Variants in MAB21L3 observed in about 807,000 individuals in gnomAD.
MAB21L3 encodes the protein mab-21 like 3.
Under a neutral mutation model 37.7 loss-of-function variants are expected in MAB21L3, and 36 were observed. The observed-to-expected ratio is 0.96, with a 90% CI of 0.73 to 1.26. The LOEUF (loss-of-function observed/expected upper bound fraction) is 1.26, where lower values mean the gene tolerates loss of function less well. Among genes scored for constraint, MAB21L3 ranks in the 50% most tolerant of loss-of-function variants. The probability of loss-of-function intolerance (pLI) is 0.00; values close to 1 mark genes in which losing one functional copy is unlikely to be tolerated. For synonymous variants in MAB21L3, 186 were observed against 176.8 expected (o/e 1.05, Z -0.41); for missense variants, 430 against 447.3 (o/e 0.96, Z 0.35).
At chr1:116,125,809 G>T (rs1418209694) in intron 5 of MAB21L3, among the ~76,000 whole-genome samples, 2 of 145,528 alleles carry the variant, frequency 1.4e-5, no homozygotes, top group African/African-American at 5.7e-5. Flanking sequence ...GACTTAGAGA[G>T]ATTAAGTCAC....
chr1:116,116,791 CTGGAATT>C (rs1367920323), intron 3 of MAB21L3, among the ~76,000 whole-genome samples: 2 of 152,128 alleles, frequency 1.3e-5, no homozygotes, highest in African/African-American at 4.8e-5. Flanking sequence ...AAAATTAAAA[CTGGAATT>C]TGTGGTTCTA....
At position 116,128,296 on chromosome 1, in the gene MAB21L3, G is replaced by A. The variant is rs1402259544; in HGVS notation, c.812G>A (p.Trp271Ter). The change falls in exon 7 of 8, where the codon TGG becomes TAG. Residue 271 changes from tryptophan (W) to a stop codon, truncating the protein, a stop_gained. Transcript: ENST00000369500. LOFTEE classifies it high-confidence loss of function. ...ATGAGGCACCTGAAGGAGGACATCTGGTGCCCAGGGAACAGGCCGGTTATC... is the reference window on the plus strand; with the variant it reads ...ATGAGGCACCTGAAGGAGGACATCTAGTGCCCAGGGAACAGGCCGGTTATC... ...QVMRHLKEDIWCPGNRPVITS... is the reference protein window; with the variant it reads ...QVMRHLKEDI The A allele has an allele frequency of 1.2e-6, 2 of 1,613,864 alleles. No homozygotes were observed. The highest frequency in any genetic ancestry group is 1.7e-6 in the Non-Finnish European group (2 of 1,179,970).
chr1:116,120,065 C>T (rs1285124921), intron 3 of MAB21L3, among the ~76,000 whole-genome samples: 4 of 152,050 alleles, frequency 2.6e-5, no homozygotes, highest in Non-Finnish European at 4.4e-5. Flanking sequence ...GGGCAGCAGG[C>T]GTGACAATAC....
rs892406960 is a variant in MAB21L3, at chr1:116,135,187, G to A, written c.*1822G>A. ...CCCTTCAAAAAATTAATAGATCCAG[G>A]AGCTGGTTTTTTGAAAGGATCAACA... On this transcript the variant is annotated 3_prime_UTR_variant, in exon 8 of 8. Transcript: ENST00000369500. The A allele has an allele frequency of 4.0e-5, 6 of 151,878 alleles. No homozygotes were observed. The highest frequency in any genetic ancestry group is 1.5e-4 in the African/African-American group (6 of 41,264). The allele number at this position is 151,878 out of a possible 1,614,324, so 9.4% of individuals were successfully genotyped here.
At position 116,127,451 on chromosome 1, in the gene MAB21L3, G is replaced by A. The variant is rs202025602; in HGVS notation, c.482-15G>A. On this transcript the variant is annotated splice_polypyrimidine_tract_variant and intron_variant, in intron 5 of 7. Transcript: ENST00000369500. ...CCTTTCTCTTCTCCTTATCCATTTG[G>A]TCATTTCCCACCAGGTAAGGTCAGC... 1.6e-4 allele frequency: 255 copies of A among 1,609,614 alleles called. No homozygotes were observed. The highest frequency in any genetic ancestry group is 1.7e-4 in the Middle Eastern group (1 of 6,060).
Position 116,113,626 on chromosome 1 carries a change from G to C in MAB21L3, c.48+963G>C, listed in dbSNP as rs143360199. On this transcript the variant is annotated intron_variant, in intron 3 of 7. Coordinates refer to ENST00000369500, the MANE Select transcript of MAB21L3 (RefSeq NM_152367.3). ...ATAGCAGAAATCCTAAACAGTGTTC[G>C]ACACGTTGAATCCAGTGTGTGCTCA... Among the ~76,000 whole-genome samples the C allele has an allele frequency of 2.0e-3, 305 of 152,230 alleles. 2 individuals are homozygous for C. The highest frequency in any genetic ancestry group is 6.8e-3 in the Middle Eastern group (2 of 294).
At position 116,128,341 on chromosome 1, in the gene MAB21L3, T is replaced by A; in HGVS notation, c.855+2T>A. The stretch of plus-strand genomic sequence containing the variant: ...GTTATCACGTCCCACCATCTGCAGG[T>A]GAGTGTGGGGCAGGTTGGAGAAGAC... On this transcript the variant is annotated splice_donor_variant, in intron 7 of 7. Coordinates refer to ENST00000369500, the MANE Select transcript of MAB21L3 (RefSeq NM_152367.3). LOFTEE classifies it high-confidence loss of function. The A allele has an allele frequency of 6.2e-7, 1 of 1,609,160 alleles. No individual in the cohort carries two copies. Among genetic ancestry groups the A allele is most frequent in the Middle Eastern group, 2.0e-4 (1 of 4,984 alleles).
At chr1:116,131,437 C>G (rs1288326218) in intron 7 of MAB21L3, among the ~76,000 whole-genome samples, 1 of 152,206 alleles carries the variant, frequency 6.6e-6, no homozygotes, top group East Asian at 1.9e-4. Context: ...GGGACCAAAC[C>G]TTATAAACCA....
intron 3 of MAB21L3, 86 bp from the exon 4 acceptor site, chr1:116,120,846 G>C: frequency 6.5e-7 from 1 of 1,535,896 alleles, no homozygotes; most frequent in Non-Finnish European, 8.8e-7. Context: ...ACCCCTTGCT[G>C]TACCCTTGTC....
intron 3 of MAB21L3, among the ~76,000 whole-genome samples, chr1:116,114,334 A>G (rs1659509811): frequency 6.6e-6 from 1 of 152,208 alleles, no homozygotes; most frequent in Non-Finnish European, 1.5e-5. Flanking sequence ...TAAAGGCAAG[A>G]GTGGTGTGGA....
At position 116,137,783 on chromosome 1, in the gene MAB21L3, C is replaced by A. The variant is rs1357520972; in HGVS notation, c.*4418C>A. On this transcript the variant is annotated 3_prime_UTR_variant, in exon 8 of 8. Transcript: ENST00000369500. ...TGTGGCACATATACACCATGGAATA[C>A]TATGCAGCCATAAAAAATGATGAGT... Among the ~76,000 whole-genome samples, 1 of 151,882 alleles carries A rather than the reference C, an allele frequency of 6.6e-6. No individual in the cohort carries two copies. Among genetic ancestry groups the A allele is most frequent in the Non-Finnish European group, 1.5e-5 (1 of 67,986 alleles).
In MAB21L3 at chr1:116,126,211, A is replaced by G. The variant is rs78831694; in HGVS notation, c.482-1255A>G. ...TTGGGATGAGCAAATAAGGATGAAT[A>G]GATCCTGATCTATTCAAGACTGCTT... On this transcript the variant is annotated intron_variant, in intron 5 of 7. Coordinates refer to ENST00000369500, the MANE Select transcript of MAB21L3 (RefSeq NM_152367.3). Among the ~76,000 whole-genome samples, 1,077 of 152,372 alleles carry G rather than the reference A, an allele frequency of 7.1e-3. 13 individuals are homozygous for G. Among genetic ancestry groups the G allele is most frequent in the African/African-American group, 0.024 (1,008 of 41,584 alleles).
intron 3 of MAB21L3, 67 bp downstream of exon 3, chr1:116,112,730 G>A (rs867434844): frequency 2.0e-5 from 31 of 1,519,154 alleles, no homozygotes; most frequent in Admixed American, 8.4e-5. Flanking sequence ...ACAAACCTTC[G>A]TCCAGAAAGG....
At position 116,133,179 on chromosome 1, in the gene MAB21L3, G is replaced by T. The variant is rs201089101; in HGVS notation, c.903G>T (p.Trp301Cys). The T allele has an allele frequency of 6.2e-7, 1 of 1,614,074 alleles. No homozygotes were observed. Among genetic ancestry groups the T allele is most frequent in the African/African-American group, 1.3e-5 (1 of 74,912 alleles). The change falls in exon 8 of 8, where the codon TGG becomes TGT. Residue 301 changes from tryptophan to cysteine, a missense_variant. Physicochemically the swap from Trp to Cys is radical, Grantham distance 215. Coordinates refer to ENST00000369500, the MANE Select transcript of MAB21L3 (RefSeq NM_152367.3). ...AGAAATATCCCCACTTTAAAGACTG[G>T]CAGGTCTTCAGCAAAGCATTTCTGC... ...TCEKYPHFKD[W>C]QVFSKAFLRL...
At position 116,112,464 on chromosome 1, in the gene MAB21L3, C is replaced by T; in HGVS notation, c.-152C>T. Reference sequence around the variant, plus strand: ...AAACATGAGTGAAGGGTTCGGAAGGCAAGTCTCTGGTCCATTACACACTTC... The same window carrying T: ...AAACATGAGTGAAGGGTTCGGAAGGTAAGTCTCTGGTCCATTACACACTTC... On this transcript the variant is annotated 5_prime_UTR_variant, in exon 3 of 8. An upstream open reading frame in the 5' UTR gains an earlier in-frame stop. Transcript: ENST00000369500. 1.8e-6 allele frequency: 1 copy of T among 562,728 alleles called. No individual in the cohort carries two copies. The highest frequency in any genetic ancestry group is 2.8e-5 in the Admixed American group (1 of 35,132). The allele number at this position is 562,728 out of a possible 1,614,324, so 34.9% of individuals were successfully genotyped here.
intron 3 of MAB21L3, among the ~76,000 whole-genome samples, chr1:116,119,319 A>G (rs1659677184): frequency 6.6e-6 from 1 of 152,196 alleles, no homozygotes. Flanking sequence ...CCTATATGTG[A>G]TATACAACGT....
intron 3 of MAB21L3, among the ~76,000 whole-genome samples, chr1:116,115,760 A>G (rs892067106): frequency 6.6e-6 from 1 of 152,204 alleles, no homozygotes; most frequent in Non-Finnish European, 1.5e-5. Flanking sequence ...TTATTCATGA[A>G]CTTGAGCTAT....
rs374210490 is a variant in MAB21L3 at position 116,112,562 on chromosome 1, G to GAA, written c.-42_-41dup. On this transcript the variant is annotated 5_prime_UTR_variant, in exon 3 of 8. Transcript: ENST00000369500. The stretch of plus-strand genomic sequence containing the variant: ...ACTCACAAGTGTTGCACTCCATTGA[G>GAA]AAAAAAAAAAAAACCAGGAAGTTGC... The GAA allele has an allele frequency of 3.5e-3, 4,467 of 1,274,862 alleles. No homozygotes were observed. Among genetic ancestry groups the GAA allele is most frequent in the Middle Eastern group, 5.0e-3 (24 of 4,848 alleles). 79.0% of individuals were successfully genotyped at this position (1,274,862 alleles called of 1,614,324 possible).
rs756756304 is a variant in MAB21L3 at position 116,112,653 on chromosome 1, T to C, written c.38T>C (p.Leu13Pro). ...YLTVGDLEDC[L>P]LNKVDLRRQQ... ...ACTGTGGGAGACTTAGAAGATTGCC[T>C]ACTGAATAAGGTAAGGACAGACCCG... The change falls in exon 3 of 8, where the codon CTA (leucine) becomes CCA (proline). Residue 13 changes from leucine (L) to proline (P), a missense_variant. Coordinates refer to ENST00000369500, the MANE Select transcript of MAB21L3 (RefSeq NM_152367.3). 1.2e-6 allele frequency: 2 copies of C among 1,613,612 alleles called. No individual in the cohort carries two copies. The highest frequency in any genetic ancestry group is 1.1e-5 in the South Asian group (1 of 91,054).
Sources: gnomAD v4.1 joint callset for allele counts (sites outside exome capture counted in the v4.1 genomes callset) on GRCh38, gnomAD v4.1.1 for gene constraint, MANE v1.5 for transcripts, NCBI Gene and HGNC (gene_info 2026-07-23, HGNC 2026-07-21) for gene names.